Variants in ITFG1 observed in about 807,000 individuals in gnomAD.
ITFG1 encodes the protein T-cell immunomodulatory protein.
A neutral mutation model predicts 81.8 loss-of-function variants in ITFG1; 34 were observed. That is an observed-to-expected ratio of 0.42 (90% CI 0.32 to 0.55). ITFG1 has a LOEUF of 0.55. ITFG1 is among the 20% of genes least tolerant of loss of function. The pLI, the probability that ITFG1 is intolerant of heterozygous loss-of-function variation, is 0.17. For missense variants in ITFG1, 672 were observed against 755.4 expected (o/e 0.89, Z 1.29); for synonymous variants, 285 against 270.6 (o/e 1.05, Z -0.52).
At chr16:47,398,327 TTCC>T (rs1968618228) in intron 6 of ITFG1, among the ~76,000 whole-genome samples, 1 of 152,184 alleles carries the variant, frequency 6.6e-6, no homozygotes, top group Non-Finnish European at 1.5e-5. Context: ...AGTATCTGGA[TTCC>T]TCCTGAAAAA....
At chr16:47,273,945 T>C (rs1966370336) in intron 10 of ITFG1, among the ~76,000 whole-genome samples, 1 of 152,138 alleles carries the variant, frequency 6.6e-6, no homozygotes, top group Admixed American at 6.5e-5. Context: ...ATCCATGTAC[T>C]TTAATAACTA....
At chr16:47,383,004 A>G (rs1232298098) in intron 6 of ITFG1, among the ~76,000 whole-genome samples, 1 of 152,236 alleles carries the variant, frequency 6.6e-6, no homozygotes, top group African/African-American at 2.4e-5. Flanking sequence ...TGTTAAATAT[A>G]TGTATCAAGT....
intron 6 of ITFG1, among the ~76,000 whole-genome samples, chr16:47,418,004 G>A (rs951366681): frequency 6.6e-6 from 1 of 152,062 alleles, no homozygotes; most frequent in South Asian, 2.1e-4. Context: ...CAATGTATAA[G>A]TGTTCTCATT....
chr16:47,341,408 A>G (rs1967781541), intron 8 of ITFG1, among the ~76,000 whole-genome samples: 1 of 149,258 alleles, frequency 6.7e-6, no homozygotes, highest in Non-Finnish European at 1.5e-5. Context: ...CTGAAAAAAA[A>G]AAAAAAAAGA....
chr16:47,311,834 G>A (rs975512749), intron 9 of ITFG1: 2 of 153,692 alleles, frequency 1.3e-5, no homozygotes, highest in African/African-American at 4.8e-5. Context: ...AACTTAGGAG[G>A]AAAGTTAGAA....
At chr16:47,394,764 A>G (rs1218524292) in intron 6 of ITFG1, among the ~76,000 whole-genome samples, 1 of 152,118 alleles carries the variant, frequency 6.6e-6, no homozygotes, top group East Asian at 1.9e-4. Flanking sequence ...AAACATTCTC[A>G]AGTAATAAGC....
chr16:47,453,682 G>C (rs999026329), intron 3 of ITFG1, among the ~76,000 whole-genome samples: 11 of 152,222 alleles, frequency 7.2e-5, no homozygotes, highest in African/African-American at 2.4e-4. Flanking sequence ...ATAGGGGAAA[G>C]AGGCAGTAGC....
intron 6 of ITFG1, among the ~76,000 whole-genome samples, chr16:47,410,884 C>G (rs1313180766): frequency 6.6e-6 from 1 of 152,176 alleles, no homozygotes; most frequent in Non-Finnish European, 1.5e-5. Context: ...CCCCAAGGCT[C>G]TCCATCTTCT....
At chr16:47,445,117 A>G (rs1969307173) in intron 5 of ITFG1, among the ~76,000 whole-genome samples, 1 of 151,440 alleles carries the variant, frequency 6.6e-6, no homozygotes, top group Non-Finnish European at 1.5e-5. Context: ...ACATTAAAAA[A>G]AAAAAAAAAA....
intron 14 of ITFG1, among the ~76,000 whole-genome samples, chr16:47,179,123 T>C (rs1345658789): frequency 6.6e-6 from 1 of 152,162 alleles, no homozygotes; most frequent in African/African-American, 2.4e-5. Context: ...TTTTACACTG[T>C]TGGTGGGACT....
chr16:47,382,144 C>T (rs897585091), intron 6 of ITFG1, among the ~76,000 whole-genome samples: 8 of 152,080 alleles, frequency 5.3e-5, no homozygotes, highest in Admixed American at 1.3e-4. Context: ...ATATGAAACA[C>T]AGCATGGGTC....
chr16:47,365,307 G>C (rs1000476799), intron 8 of ITFG1, among the ~76,000 whole-genome samples: 1 of 152,188 alleles, frequency 6.6e-6, no homozygotes, highest in Non-Finnish European at 1.5e-5. Context: ...ATGTGAACTT[G>C]ATTGTGCAGA....
At chr16:47,307,554 C>T (rs775823339) in intron 10 of ITFG1, among the ~76,000 whole-genome samples, 2 of 152,232 alleles carry the variant, frequency 1.3e-5, no homozygotes, top group Non-Finnish European at 2.9e-5. Context: ...TGAAGGCAAG[C>T]GAACGTAGCA....
At chr16:47,338,513 T>A (rs1461740633) in intron 8 of ITFG1, among the ~76,000 whole-genome samples, 1 of 152,090 alleles carries the variant, frequency 6.6e-6, no homozygotes, top group Non-Finnish European at 1.5e-5. Context: ...CATTATAATA[T>A]CTAAATGTTC....
chr16:47,411,107 C>A (rs1325705134), intron 6 of ITFG1, among the ~76,000 whole-genome samples: 1 of 152,144 alleles, frequency 6.6e-6, no homozygotes, highest in African/African-American at 2.4e-5. Flanking sequence ...AGGTTCAGGC[C>A]CCAGGTGAGA....
At chr16:47,326,211 A>G (rs1164545804) in intron 8 of ITFG1, among the ~76,000 whole-genome samples, 1 of 152,250 alleles carries the variant, frequency 6.6e-6, no homozygotes, top group Non-Finnish European at 1.5e-5. Flanking sequence ...AAACAGAACC[A>G]AAGACAAAAA....
At chr16:47,414,356 T>G (rs1227480729) in intron 6 of ITFG1, among the ~76,000 whole-genome samples, 1 of 151,658 alleles carries the variant, frequency 6.6e-6, no homozygotes, top group South Asian at 2.1e-4. Flanking sequence ...AAACCCTGTA[T>G]CTACTAAAAA....
At chr16:47,163,997 AG>A (rs1964851983) in intron 14 of ITFG1, among the ~76,000 whole-genome samples, 1 of 151,926 alleles carries the variant, frequency 6.6e-6, no homozygotes, top group African/African-American at 2.4e-5. Context: ...CTGGCCCTGT[AG>A]GCACATTTTC....
At chr16:47,277,546 G>A (rs775456467) in intron 10 of ITFG1, among the ~76,000 whole-genome samples, 1 of 152,156 alleles carries the variant, frequency 6.6e-6, no homozygotes, top group Non-Finnish European at 1.5e-5. Flanking sequence ...AGTTCAAACT[G>A]GTACTTTTCA....
Sources: gnomAD v4.1 joint callset for allele counts (sites outside exome capture counted in the v4.1 genomes callset) on GRCh38, gnomAD v4.1.1 for gene constraint, MANE v1.5 for transcripts, NCBI Gene and HGNC (gene_info 2026-07-23, HGNC 2026-07-21) for gene names.